ACVR2B: variants seen among roughly 807,000 people sequenced by gnomAD.
ACVR2B encodes the protein activin A receptor type 2B, also known as activin receptor type-2B.
A neutral mutation model predicts 65.1 loss-of-function variants in ACVR2B; 18 were observed. The observed-to-expected ratio is 0.28, with a 90% CI of 0.19 to 0.41. The LOEUF (loss-of-function observed/expected upper bound fraction) is 0.41, where lower values mean the gene tolerates loss of function less well. ACVR2B is among the 10% of genes least tolerant of loss of function. ACVR2B has a pLI of 1.00. For synonymous variants in ACVR2B, 298 were observed against 277.7 expected (o/e 1.07, Z -0.73); for missense variants, 482 against 682.7 (o/e 0.71, Z 3.28).
At chr3:38,462,590 G>A (rs1417834237) in intron 1 of ACVR2B, among the ~76,000 whole-genome samples, 2 of 152,198 alleles carry the variant, frequency 1.3e-5, no homozygotes, top group Non-Finnish European at 2.9e-5. Context: ...GTGACTTTAA[G>A]CTATGTTGGA....
At chr3:38,470,720 G>C (rs1449363184) in intron 1 of ACVR2B, among the ~76,000 whole-genome samples, 1 of 152,184 alleles carries the variant, frequency 6.6e-6, no homozygotes, top group African/African-American at 2.4e-5. Context: ...CATTGGAAGA[G>C]TCATTAGAGT....
chr3:38,492,910 T>G lies in ACVR2B; in HGVS notation c.*9578T>G, dbSNP rs2059824752. 1 of 152,476 alleles carries G rather than the reference T, an allele frequency of 6.6e-6. No homozygotes were observed. Among genetic ancestry groups the G allele is most frequent in the Non-Finnish European group, 1.5e-5 (1 of 68,030 alleles). 9.4% of individuals were successfully genotyped at this position (152,476 alleles called of 1,614,324 possible). ...TAGTTCATTCATTTGCAGTGGATCT[T>G]TGTTCCTTTTTACTGTGGTAATTTT... On this transcript the variant is annotated 3_prime_UTR_variant, in exon 11 of 11. Coordinates refer to ENST00000352511, the MANE Select transcript of ACVR2B (RefSeq NM_001106.4).
chr3:38,456,948 A>G (rs36070911), intron 1 of ACVR2B, among the ~76,000 whole-genome samples: 78,627 of 152,078 alleles, frequency 0.52, 21,462 homozygotes, highest in Non-Finnish European at 0.61. Context: ...GGCTCATGCC[A>G]GTAATCCCAG....
chr3:38,472,947 C>T (rs993531316), intron 1 of ACVR2B, among the ~76,000 whole-genome samples: 4 of 152,186 alleles, frequency 2.6e-5, no homozygotes, highest in Non-Finnish European at 4.4e-5. Flanking sequence ...TGCGTGTCTT[C>T]GAGCATCCAA....
chr3:38,454,414 G>T, intron 1 of ACVR2B, 40 bp downstream of exon 1: 1 of 1,241,012 alleles, frequency 8.1e-7, no homozygotes, highest in South Asian at 3.3e-5. Context: ...GAGAGGGCGC[G>T]CGGGGCTGGC....
rs1475870509 is a variant in ACVR2B at position 38,477,370 on chromosome 3, C to T, written c.136C>T (p.Leu46=). The T allele has an allele frequency of 6.2e-7, 1 of 1,614,172 alleles. No individual in the cohort carries two copies. ...WELERTNQSG[L]ERCEGEQDKR... is the part of the protein sequence containing the mutation. The stretch of plus-strand genomic sequence containing the variant: ...GCTGGAGCGCACCAACCAGAGCGGC[C>T]TGGAGCGCTGCGAAGGCGAGCAGGA... The change falls in exon 2 of 11, where the codon CTG becomes TTG. Residue 46 remains leucine (L), a synonymous_variant. Coordinates refer to ENST00000352511, the MANE Select transcript of ACVR2B (RefSeq NM_001106.4). This position sits in a 1 kb window ranked among gnomAD's most constrained non-coding sequence, Gnocchi z 6.7.
chr3:38,459,362 C>T (rs1709602165), intron 1 of ACVR2B, among the ~76,000 whole-genome samples: 1 of 152,204 alleles, frequency 6.6e-6, no homozygotes, highest in African/African-American at 2.4e-5. Context: ...GCTGGGCAGC[C>T]TGCCTGCCCG....
At position 38,483,075 on chromosome 3, in the gene ACVR2B, A is replaced by G. The variant is rs554836729; in HGVS notation, c.1345-63A>G. ...GGAATATCAAGTTTACTGTCCCCCA[A>G]AGCTTTTCCTCACTGAAGGGTCCTA... is the stretch of plus-strand genomic sequence containing the variant. On this transcript the variant is annotated intron_variant, in intron 10 of 10. Transcript: ENST00000352511. The surrounding 1 kb of genome is among the most constrained non-coding windows in gnomAD (Gnocchi z 4.8). 6.3e-7 allele frequency: 1 copy of G among 1,591,544 alleles called. No individual in the cohort carries two copies. The highest frequency in any genetic ancestry group is 1.1e-5 in the South Asian group (1 of 90,558).
chr3:38,456,802 A>T (rs532139817), intron 1 of ACVR2B, among the ~76,000 whole-genome samples: 1 of 152,164 alleles, frequency 6.6e-6, no homozygotes, highest in Non-Finnish European at 1.5e-5. Flanking sequence ...TCTAACCCTC[A>T]CTACCTCCCA....
chr3:38,471,497 G>A (rs1709817218), intron 1 of ACVR2B, among the ~76,000 whole-genome samples: 1 of 152,142 alleles, frequency 6.6e-6, no homozygotes, highest in Non-Finnish European at 1.5e-5. Context: ...GCCCACACAT[G>A]AGTGCACACA....
rs917160779 is a variant in ACVR2B, at chr3:38,489,834, G to C, written c.*6502G>C. ...TATCTAAGATCACATTATCCAGGTT[G>C]GGGGGCAGAATTACCCAGTTAAGTA... is the stretch of plus-strand genomic sequence containing the variant. On this transcript the variant is annotated 3_prime_UTR_variant, in exon 11 of 11. Transcript: ENST00000352511. 1 of 152,140 alleles carries C rather than the reference G, an allele frequency of 6.6e-6. No homozygotes were observed. Among genetic ancestry groups the C allele is most frequent in the African/African-American group, 2.4e-5 (1 of 41,420 alleles). The allele number at this position is 152,140 out of a possible 1,614,324, so 9.4% of individuals were successfully genotyped here.
chr3:38,468,824 T>TTA, intron 1 of ACVR2B, among the ~76,000 whole-genome samples: 1 of 152,372 alleles, frequency 6.6e-6, no homozygotes, highest in East Asian at 1.9e-4. Context: ...GGTTTATGCA[T>TTA]TAAACTACTT....
At chr3:38,482,099 T>G (rs889076278) in intron 8 of ACVR2B, 99 bp from the exon 9 acceptor site, 2 of 1,546,214 alleles carry the variant, frequency 1.3e-6, no homozygotes, top group Non-Finnish European at 1.8e-6. Flanking sequence ...TTGCTCTGTC[T>G]TGCCCGCCAT....
intron 7 of ACVR2B, 45 bp downstream of exon 7, chr3:38,479,871 G>A (rs1173744109): frequency 6.2e-7 from 1 of 1,605,958 alleles, no homozygotes; most frequent in South Asian, 1.1e-5. Context: ...ACCTGGAGCT[G>A]TGGGAAGGGT....
chr3:38,461,503 C>G (rs1709646381), intron 1 of ACVR2B, among the ~76,000 whole-genome samples: 1 of 152,084 alleles, frequency 6.6e-6, no homozygotes, highest in Admixed American at 6.5e-5. Flanking sequence ...ACCTGGCTGG[C>G]TCCTTCTGTG....
intron 6 of ACVR2B, 25 bp from the exon 7 acceptor site, chr3:38,479,653 C>T (rs374289404): frequency 1.2e-4 from 197 of 1,613,710 alleles, no homozygotes; most frequent in Non-Finnish European, 1.6e-4. Context: ...AATCTGTGCT[C>T]AAGTTCTGTG....
chr3:38,454,438 C>A lies in ACVR2B; in HGVS notation c.52+64C>A. On this transcript the variant is annotated intron_variant, in intron 1 of 10. Coordinates refer to ENST00000352511, the MANE Select transcript of ACVR2B (RefSeq NM_001106.4). ...CGCGGGGCTGGCCTCTGGCGCCGCG[C>A]GGTGTTTACCAACAAAGGGCGGGCC... The A allele has an allele frequency of 1.7e-6, 2 of 1,205,354 alleles. No individual in the cohort carries two copies. The highest frequency in any genetic ancestry group is 3.8e-5 in the South Asian group (1 of 26,178). 74.7% of individuals were successfully genotyped at this position (1,205,354 alleles called of 1,614,324 possible).
chr3:38,477,855 C>T lies in ACVR2B; in HGVS notation c.261-6C>T. On this transcript the variant is annotated splice_polypyrimidine_tract_variant and splice_region_variant and intron_variant, in intron 2 of 10. Transcript: ENST00000352511. The surrounding 1 kb of genome is among the most constrained non-coding windows in gnomAD (Gnocchi z 6.7). ...GAGGGGTATATGGAAAATTCTGTGC[C>T]TCCAGGCAGGAGTGTGTGGCCACTG... The T allele has an allele frequency of 1.2e-6, 2 of 1,613,918 alleles. No individual in the cohort carries two copies. The highest frequency in any genetic ancestry group is 1.7e-6 in the Non-Finnish European group (2 of 1,179,902).
chr3:38,466,413 G>A (rs1709728455), intron 1 of ACVR2B, among the ~76,000 whole-genome samples: 1 of 152,072 alleles, frequency 6.6e-6, no homozygotes, highest in Non-Finnish European at 1.5e-5. Context: ...TAATTACCCT[G>A]ATTTGATCAT....
Sources: allele counts gnomAD v4.1 joint callset (sites outside exome capture counted in the v4.1 genomes callset), GRCh38; gene constraint gnomAD v4.1.1; non-coding constraint Gnocchi (gnomAD v3.1); transcripts MANE v1.5; gene names NCBI Gene and HGNC (gene_info 2026-07-23, HGNC 2026-07-21).